Variants in ATG2B observed in about 807,000 individuals in gnomAD.
The protein encoded by ATG2B is autophagy-related protein 2 homolog B.
In ATG2B, 121 loss-of-function variants were observed where a neutral mutation model predicts 241.3. The observed-to-expected ratio is 0.50, with a 90% confidence interval of 0.43 to 0.58. The LOEUF (loss-of-function observed/expected upper bound fraction) is 0.58, where lower values mean the gene tolerates loss of function less well. ATG2B is among the 20% of genes least tolerant of loss of function. The pLI, the probability that ATG2B is intolerant of heterozygous loss-of-function variation, is 0.00. For synonymous variants in ATG2B, 858 were observed against 876.6 expected (o/e 0.98, Z 0.37); for missense variants, 2,306 against 2,491.6 (o/e 0.93, Z 1.59).
Position 96,283,639 on chromosome 14 carries a change from C to T in ATG2B, c.*2116G>A, listed in dbSNP as rs777263510. On this transcript the variant is annotated 3_prime_UTR_variant, in exon 42 of 42. Coordinates refer to ENST00000359933, the MANE Select transcript of ATG2B (RefSeq NM_018036.7). The stretch of plus-strand genomic sequence containing the variant: ...TGTGGCAAACCACGGATTCTAGCCA[C>T]GCTCTTTCTACTGTGTCATCACAAC... 3 of 152,218 alleles carry T rather than the reference C, an allele frequency of 2.0e-5. No individual in the cohort carries two copies. Among genetic ancestry groups the T allele is most frequent in the Non-Finnish European group, 4.4e-5 (3 of 68,034 alleles). The allele number at this position is 152,218 out of a possible 1,614,324, so 9.4% of individuals were successfully genotyped here. A position where few individuals can be genotyped will look rare whatever the true frequency, so the allele number is the denominator to read the frequency against.
At position 96,331,634 on chromosome 14, in the gene ATG2B, A is replaced by T. The variant is rs1222151286; in HGVS notation, c.1472T>A (p.Leu491His). 1 of 1,589,140 alleles carries T rather than the reference A, an allele frequency of 6.3e-7. No individual in the cohort carries two copies. Among genetic ancestry groups the T allele is most frequent in the Non-Finnish European group, 8.5e-7 (1 of 1,171,714 alleles). The change falls in exon 11 of 42, where the codon CTC (leucine) becomes CAC (histidine). Residue 491 changes from leucine (L) to histidine (H), a missense_variant. By Grantham distance (99) the Leu-to-His change is moderately conservative. Transcript: ENST00000359933. ...ATCCACTGAAACAGATCTAGATGGG[A>T]GAGCTAAAATACAAGTATTAAAATT... The part of the protein sequence containing the change: ...VHPTPLQKTS[L>H]PSRSVSVDES...
chr14:96,291,828 A>C, intron 37 of ATG2B, 146 bp from the exon 38 acceptor site: 1 of 620,530 alleles, frequency 1.6e-6, no homozygotes, highest in Non-Finnish European at 2.7e-6. Context: ...TATATCTTAC[A>C]ATACATATGA....
At chr14:96,300,408 C>T (rs1595297371) in intron 34 of ATG2B, among the ~76,000 whole-genome samples, 1 of 152,070 alleles carries the variant, frequency 6.6e-6, no homozygotes, top group East Asian at 1.9e-4. Flanking sequence ...CGCCTATAAT[C>T]CCAGCTGTTC....
intron 6 of ATG2B, among the ~76,000 whole-genome samples, chr14:96,340,926 G>GA (rs34515724): frequency 0.63 from 70,660 of 112,662 alleles, 21,474 homozygotes; most frequent in African/African-American, 0.66. Flanking sequence ...ACCCCATCTC[G>GA]AAAAAAAAAA....
rs546795792 is a variant in ATG2B at position 96,281,727 on chromosome 14, T to A, written c.*4028A>T. ...TAACTGAGCCAGCTGAGATGACATTTACAATCTCTTGAAATGCAGCAGATG... is the reference window on the plus strand; with the variant it reads ...TAACTGAGCCAGCTGAGATGACATTAACAATCTCTTGAAATGCAGCAGATG... On this transcript the variant is annotated 3_prime_UTR_variant, in exon 42 of 42. Coordinates refer to ENST00000359933, the MANE Select transcript of ATG2B (RefSeq NM_018036.7). 1 of 152,342 alleles carries A rather than the reference T, an allele frequency of 6.6e-6. No individual in the cohort carries two copies. The highest frequency in any genetic ancestry group is 2.1e-4 in the South Asian group (1 of 4,832). The allele number at this position is 152,342 out of a possible 1,614,324, so 9.4% of individuals were successfully genotyped here.
Position 96,302,011 on chromosome 14 carries a change from T to G in ATG2B, c.5135A>C (p.Asp1712Ala). Reference sequence around the variant, plus strand: ...AATCACGCTCATGCTACAAACCTGGTCAATATTGAGGCGGAGCGGCATCAG... The same window carrying G: ...AATCACGCTCATGCTACAAACCTGGGCAATATTGAGGCGGAGCGGCATCAG... The part of the protein sequence containing the change: ...VSLMPLRLNI[D>A]QDALFFLKDF... Residue 1712 changes from aspartate to alanine, a missense_variant, in exon 34 of 42, where the codon GAC (aspartate) becomes GCC (alanine). Coordinates refer to ENST00000359933, the MANE Select transcript of ATG2B (RefSeq NM_018036.7). The G allele has an allele frequency of 6.2e-7, 1 of 1,612,964 alleles. No individual in the cohort carries two copies. The highest frequency in any genetic ancestry group is 8.5e-7 in the Non-Finnish European group (1 of 1,179,230).
intron 15 of ATG2B, 69 bp from the exon 16 acceptor site, chr14:96,324,067 A>G: frequency 9.7e-7 from 1 of 1,027,214 alleles, no homozygotes; most frequent in South Asian, 1.4e-5. Context: ...TGGAGGAGCA[A>G]AGATCCTCTC....
chr14:96,318,393 A>G (rs1887372863), intron 18 of ATG2B: 1 of 152,194 alleles, frequency 6.6e-6, no homozygotes, highest in Non-Finnish European at 1.5e-5. Flanking sequence ...TCACATGGCT[A>G]ATTAGTGGAA....
chr14:96,296,418 G>A (rs575245823), intron 34 of ATG2B, among the ~76,000 whole-genome samples: 10 of 151,960 alleles, frequency 6.6e-5, no homozygotes, highest in Admixed American at 2.0e-4. Flanking sequence ...ATATATCTTC[G>A]AGGATATATT....
chr14:96,320,632 T>C (rs941434371), intron 18 of ATG2B, among the ~76,000 whole-genome samples: 1 of 152,176 alleles, frequency 6.6e-6, no homozygotes, highest in Non-Finnish European at 1.5e-5. Flanking sequence ...TAAATAAATA[T>C]ACATTTATAA....
In ATG2B at chr14:96,323,999, C is replaced by A; in HGVS notation, c.2438-1G>T. The A allele has an allele frequency of 6.5e-7, 1 of 1,542,530 alleles. No individual in the cohort carries two copies. The highest frequency in any genetic ancestry group is 8.7e-7 in the Non-Finnish European group (1 of 1,144,656). On this transcript the variant is annotated splice_acceptor_variant, in intron 15 of 41. Coordinates refer to ENST00000359933, the MANE Select transcript of ATG2B (RefSeq NM_018036.7). LOFTEE classifies it high-confidence loss of function. ...TCTCCTTTCTCTTCCTGGAACGATC[C>A]TAAAAAAAAAGACTGATTTACTGAA... is the stretch of plus-strand genomic sequence containing the variant.
rs749748047 is a variant in ATG2B at position 96,331,579 on chromosome 14, T to C, written c.1527A>G (p.Leu509=). ...CAGAGATTGAAAAAGTTCCCACAGC[T>C]AGTCTAAAAATAAGTTCAGGCCTTG... ...DESRPELIFR[L]AVGTFSISVL... is the part of the protein sequence containing the mutation. The change falls in exon 11 of 42, where the codon CTA becomes CTG. Residue 509 remains leucine, a synonymous_variant. Transcript: ENST00000359933. 6.8e-6 allele frequency: 11 copies of C among 1,613,894 alleles called. No individual in the cohort carries two copies. In the African/African-American group the frequency reaches 1.5e-4, roughly 22 times the overall value.
chr14:96,332,270 C>T (rs771090581), intron 10 of ATG2B, 35 bp downstream of exon 10: 121 of 1,527,852 alleles, frequency 7.9e-5, no homozygotes, highest in Admixed American at 1.2e-4. Context: ...AAAATTCCAG[C>T]GGAAACTAAC....
chr14:96,305,904 T>C, intron 30 of ATG2B, 89 bp from the exon 31 acceptor site: 2 of 962,494 alleles, frequency 2.1e-6, no homozygotes, highest in Non-Finnish European at 1.6e-6. Flanking sequence ...TTCTTGCTTC[T>C]ACATTCTTTT....
chr14:96,339,270 CAGTG>C (rs907332451), intron 6 of ATG2B, among the ~76,000 whole-genome samples: 5 of 108,926 alleles, frequency 4.6e-5, no homozygotes, highest in South Asian at 6.0e-4. Context: ...AGCAATTCCA[CAGTG>C]TGTGTGTGTG....
chr14:96,337,765 T>C (rs763335251), intron 6 of ATG2B, among the ~76,000 whole-genome samples: 6 of 152,170 alleles, frequency 3.9e-5, no homozygotes, highest in Non-Finnish European at 8.8e-5. Flanking sequence ...GGTGGGCTCT[T>C]CTCTGGTTCC....
chr14:96,357,340 C>G (rs1888504183), intron 1 of ATG2B, among the ~76,000 whole-genome samples: 1 of 152,054 alleles, frequency 6.6e-6, no homozygotes, highest in Non-Finnish European at 1.5e-5. Context: ...TACTTACTAC[C>G]CACGCACTTT....
chr14:96,340,103 AAT>A (rs1373322545), intron 6 of ATG2B, among the ~76,000 whole-genome samples: 1 of 103,838 alleles, frequency 9.6e-6, no homozygotes, highest in African/African-American at 3.3e-5. Flanking sequence ...TGCTATATAG[AAT>A]ATATGATATA....
chr14:96,301,862 G>A, intron 34 of ATG2B, 145 bp downstream of exon 34: 1 of 611,360 alleles, frequency 1.6e-6, no homozygotes, highest in Non-Finnish European at 2.9e-6. Context: ...AACATCTAAT[G>A]AATTTGCCCT....
Sources: allele counts gnomAD v4.1 joint callset (sites outside exome capture counted in the v4.1 genomes callset), GRCh38; gene constraint gnomAD v4.1.1; transcripts MANE v1.5; gene names NCBI Gene and HGNC (gene_info 2026-07-23, HGNC 2026-07-21).